The following CCDC39 variants were observed in gnomAD, a reference collection of about 807,000 sequenced individuals.
CCDC39 encodes the protein coiled-coil domain-containing protein 39.
A neutral mutation model predicts 121.0 loss-of-function variants in CCDC39; 113 were observed. That is an observed-to-expected ratio of 0.93 (90% CI 0.80 to 1.09). The LOEUF (loss-of-function observed/expected upper bound fraction) is 1.09, where lower values mean the gene tolerates loss of function less well. CCDC39 is among the 50% of genes least tolerant of loss of function. The probability of loss-of-function intolerance (pLI) is 0.00; values close to 1 mark genes in which losing one functional copy is unlikely to be tolerated. For missense variants in CCDC39, 1,063 were observed against 1,074.7 expected (o/e 0.99, Z 0.15); for synonymous variants, 349 against 352.2 (o/e 0.99, Z 0.10).
Position 180,630,965 on chromosome 3 carries a change from G to A in CCDC39, c.1998+504C>T, listed in dbSNP as rs932791717. ...AAATGCTAAGGTCCAGCCAGGGTGTGGCATAAGAGTGGGTGGCTATAGTGA... is the reference window on the plus strand; with the variant it reads ...AAATGCTAAGGTCCAGCCAGGGTGTAGCATAAGAGTGGGTGGCTATAGTGA... On this transcript the variant is annotated intron_variant, in intron 14 of 19. Transcript: ENST00000476379. Among the ~76,000 whole-genome samples, 11 of 152,242 alleles carry A rather than the reference G, an allele frequency of 7.2e-5. No individual in the cohort carries two copies. In the East Asian group the frequency reaches 2.1e-3, roughly 29 times the overall value.
chr3:180,660,425 T>C (rs1711712448), intron 4 of CCDC39, 145 bp downstream of exon 4: 1 of 601,504 alleles, frequency 1.7e-6, no homozygotes, highest in Non-Finnish European at 2.7e-6. Context: ...AGAAGACATT[T>C]GGCTTTATTA....
chr3:180,646,980 A>G, intron 11 of CCDC39, 99 bp downstream of exon 11: 2 of 994,166 alleles, frequency 2.0e-6, no homozygotes, highest in Non-Finnish European at 3.0e-6. Flanking sequence ...ATGTGTGTAG[A>G]GTGGCAGTCA....
intron 7 of CCDC39, among the ~76,000 whole-genome samples, chr3:180,654,221 CA>C (rs76424115): frequency 0.015 from 667 of 44,954 alleles, 3 homozygotes; most frequent in African/African-American, 0.042. Context: ...TAGCCACACG[CA>C]AAAAAAAAAA....
chr3:180,639,763 T>C (rs1717912417), intron 13 of CCDC39, among the ~76,000 whole-genome samples: 1 of 151,912 alleles, frequency 6.6e-6, no homozygotes, highest in Non-Finnish European at 1.5e-5. Flanking sequence ...ACCACCTGTT[T>C]CTCAAAAATT....
At chr3:180,624,563 G>A (rs1717513663) in intron 14 of CCDC39, among the ~76,000 whole-genome samples, 1 of 151,750 alleles carries the variant, frequency 6.6e-6, no homozygotes. Context: ...TTCCTCTTTT[G>A]TGTGTTTGTT....
intron 1 of CCDC39, among the ~76,000 whole-genome samples, chr3:180,670,161 C>T (rs1175970543): frequency 6.6e-6 from 1 of 152,020 alleles, no homozygotes; most frequent in East Asian, 1.9e-4. Flanking sequence ...TTTCAATATC[C>T]TTTTCTGGGA....
intron 6 of CCDC39, among the ~76,000 whole-genome samples, chr3:180,657,040 T>C (rs766064527): frequency 6.6e-6 from 1 of 152,246 alleles, no homozygotes; most frequent in Non-Finnish European, 1.5e-5. Context: ...CTTTCACTTT[T>C]ACTCTGTGGA....
At chr3:180,617,468 A>G (rs1717290595) in intron 16 of CCDC39, 1 of 688,494 alleles carries the variant, frequency 1.5e-6, no homozygotes, top group South Asian at 1.6e-5. Flanking sequence ...TTGTTATCAT[A>G]GATGACAGCT....
rs550082047 is a variant in CCDC39 at position 180,614,820 on chromosome 3, T to G, written c.*101A>C. The G allele has an allele frequency of 3.3e-5, 36 of 1,095,566 alleles. No homozygotes were observed. In the Admixed American group the frequency reaches 6.2e-4, roughly 19 times the overall value. 67.9% of individuals were successfully genotyped at this position (1,095,566 alleles called of 1,614,324 possible). ...ATCAGTTTTTACACTTACCACTAAG[T>G]TTTTACACTTTCCACTAGATAAAAT... On this transcript the variant is annotated 3_prime_UTR_variant, in exon 20 of 20. Coordinates refer to ENST00000476379, the MANE Select transcript of CCDC39 (RefSeq NM_181426.2).
intron 13 of CCDC39, among the ~76,000 whole-genome samples, chr3:180,632,935 T>C (rs543374733): frequency 6.6e-6 from 1 of 152,060 alleles, no homozygotes; most frequent in Non-Finnish European, 1.5e-5. Context: ...AACCAAAAAA[T>C]TACCACAGTT....
rs535013450 is a variant in CCDC39, at chr3:180,651,848, T to C, written c.1034+315A>G. On this transcript the variant is annotated intron_variant, in intron 8 of 19. Transcript: ENST00000476379. ...GTCAGGAGATCAAGACCATCCTGGC[T>C]AACACGGTGAAACCCCGTCTCTAAT... Among the ~76,000 whole-genome samples the C allele has an allele frequency of 3.5e-4, 54 of 152,190 alleles. No individual in the cohort carries two copies. The South Asian group carries it at 5.8e-3, about 16-fold the overall frequency.
Position 180,616,564 on chromosome 3 carries a change from T to C in CCDC39, c.2538A>G (p.Ile846Met). 6.3e-7 allele frequency: 1 copy of C among 1,599,344 alleles called. No individual in the cohort carries two copies. Among genetic ancestry groups the C allele is most frequent in the Non-Finnish European group, 8.5e-7 (1 of 1,173,300 alleles). The change falls in exon 18 of 20, where the codon ATA (isoleucine) becomes ATG (methionine). Residue 846 changes from isoleucine to methionine, a missense_variant. Physicochemically the swap from Ile to Met is conservative, Grantham distance 10. Coordinates refer to ENST00000476379, the MANE Select transcript of CCDC39 (RefSeq NM_181426.2). Reference sequence around the variant, plus strand: ...TAATACGGATCTCAGTATTTTCTTCTATGATATCAACTAACATTTCATCAA... The same window carrying C: ...TAATACGGATCTCAGTATTTTCTTCCATGATATCAACTAACATTTCATCAA... ...KVIDEMLVDI[I>M]EENTEIRIIL...
chr3:180,665,417 G>T (rs1711848405), intron 1 of CCDC39, among the ~76,000 whole-genome samples: 2 of 152,088 alleles, frequency 1.3e-5, no homozygotes, highest in South Asian at 4.1e-4. Context: ...TATCTCCTGA[G>T]GGTACACAAC....
intron 1 of CCDC39, among the ~76,000 whole-genome samples, chr3:180,677,564 C>T (rs931115075): frequency 2.0e-5 from 3 of 151,824 alleles, no homozygotes; most frequent in African/African-American, 4.8e-5. Flanking sequence ...GAAACATTAA[C>T]CATTTAATTT....
At chr3:180,658,484 G>C (rs528995324) in intron 6 of CCDC39, among the ~76,000 whole-genome samples, 50 of 151,684 alleles carry the variant, frequency 3.3e-4, no homozygotes, top group East Asian at 3.9e-4. Context: ...TGTAGTCCCA[G>C]CTACTCGGAG....
chr3:180,673,588 C>G (rs1712108942), intron 1 of CCDC39, among the ~76,000 whole-genome samples: 1 of 152,152 alleles, frequency 6.6e-6, no homozygotes, highest in African/African-American at 2.4e-5. Flanking sequence ...CTTTTACATG[C>G]ACTGTGTGAC....
intron 12 of CCDC39, among the ~76,000 whole-genome samples, chr3:180,642,653 A>C (rs1717983027): frequency 6.6e-6 from 1 of 152,166 alleles, no homozygotes; most frequent in Admixed American, 6.5e-5. Flanking sequence ...AAAACACTCC[A>C]GGATATAAGA....
In CCDC39 at chr3:180,647,178, T is replaced by C; in HGVS notation, c.1428A>G (p.Glu476=). 2 of 1,612,172 alleles carry C rather than the reference T, an allele frequency of 1.2e-6. No homozygotes were observed. The highest frequency in any genetic ancestry group is 1.7e-6 in the Non-Finnish European group (2 of 1,179,118). Residue 476 remains glutamate, a synonymous_variant, in exon 11 of 20, where the codon GAA becomes GAG. Transcript: ENST00000476379. Reference sequence around the variant, plus strand: ...CAATTTTTGCTTCAAGCGCTTGTTTTTCTTCTGAATTAATTTCTCCCTTTA... The same window carrying C: ...CAATTTTTGCTTCAAGCGCTTGTTTCTCTTCTGAATTAATTTCTCCCTTTA... ...SRLKGEINSE[E]KQALEAKIVE...
At chr3:180,678,143 A>G (rs1336563097) in intron 1 of CCDC39, among the ~76,000 whole-genome samples, 1 of 152,190 alleles carries the variant, frequency 6.6e-6, no homozygotes, top group Admixed American at 6.5e-5. Flanking sequence ...CTTTACAAAA[A>G]AAGAAGCAGG....
Sources: gnomAD v4.1 joint callset for allele counts (sites outside exome capture counted in the v4.1 genomes callset) on GRCh38, gnomAD v4.1.1 for gene constraint, MANE v1.5 for transcripts, NCBI Gene and HGNC (gene_info 2026-07-23, HGNC 2026-07-21) for gene names.